Variants in PATJ observed in about 807,000 individuals in gnomAD.
PATJ encodes inaD-like protein.
Under a neutral mutation model 224.9 loss-of-function variants are expected in PATJ, and 190 were observed. The ratio of observed to expected loss-of-function variants is 0.84; its 90% CI spans 0.75 to 0.95. PATJ has a LOEUF of 0.95. Ranked by LOEUF, PATJ falls within the 40% of genes least tolerant of loss-of-function variation. PATJ has a pLI of 0.00. For missense variants in PATJ, 2,121 were observed against 2,270.3 expected (o/e 0.93, Z 1.34); for synonymous variants, 769 against 820.3 (o/e 0.94, Z 1.07).
intron 17 of PATJ, among the ~76,000 whole-genome samples, chr1:61,838,340 C>T (rs1660521166): frequency 1.3e-5 from 2 of 151,526 alleles, no homozygotes; most frequent in South Asian, 4.2e-4. Flanking sequence ...AATATGATGG[C>T]TTGACTGAGT....
chr1:62,120,201 G>A (rs1427086649), intron 37 of PATJ, among the ~76,000 whole-genome samples: 2 of 152,066 alleles, frequency 1.3e-5, no homozygotes, highest in Admixed American at 1.3e-4. Context: ...TAGATAAATG[G>A]CTATGTGATA....
intron 17 of PATJ, among the ~76,000 whole-genome samples, chr1:61,836,797 T>C (rs530181778): frequency 7.9e-5 from 12 of 152,352 alleles, no homozygotes; most frequent in African/African-American, 2.6e-4. Context: ...CTGGCTATTA[T>C]TGCATTCAGC....
intron 41 of PATJ, among the ~76,000 whole-genome samples, chr1:62,147,996 C>T (rs1668226086): frequency 6.6e-6 from 1 of 151,270 alleles, no homozygotes; most frequent in Non-Finnish European, 1.5e-5. Context: ...TGGTGCATGC[C>T]TGTGGTCCCA....
intron 16 of PATJ, among the ~76,000 whole-genome samples, chr1:61,830,347 G>T (rs1184885519): frequency 6.6e-6 from 1 of 152,144 alleles, no homozygotes; most frequent in Non-Finnish European, 1.5e-5. Context: ...AAATACTGCT[G>T]ATAGAAATCA....
intron 34 of PATJ, among the ~76,000 whole-genome samples, chr1:62,110,899 C>T (rs1274377457): frequency 6.6e-6 from 1 of 152,078 alleles, no homozygotes; most frequent in Non-Finnish European, 1.5e-5. Flanking sequence ...CCTCTACAGC[C>T]AATGTTCTAA....
chr1:61,853,925 T>G lies in PATJ; in HGVS notation c.2113-2105T>G, dbSNP rs115163330. Among the ~76,000 whole-genome samples the G allele has an allele frequency of 1.9e-3, 287 of 152,332 alleles. 1 individual carries two copies. Among genetic ancestry groups the G allele is most frequent in the African/African-American group, 6.7e-3 (279 of 41,578 alleles). On this transcript the variant is annotated intron_variant, in intron 17 of 43. Transcript: ENST00000642238. The stretch of plus-strand genomic sequence containing the variant: ...TGTAAGAAAATTTTGAAGAGTCTCT[T>G]GACTCGGGGGTAGAAAGGCAGGGTT...
At position 61,940,641 on chromosome 1, in the gene PATJ, G is replaced by A. The variant is rs182840574; in HGVS notation, c.3670+12812G>A. 1.6e-3 allele frequency among the ~76,000 whole-genome samples: 241 copies of A among 151,590 alleles called. 1 individual carries two copies. Among genetic ancestry groups the A allele is most frequent in the Admixed American group, 0.014 (208 of 15,208 alleles). ...TGAGGCTGGAGGATCACTTGAACCC[G>A]GGAGGTGGAGGTTGCAGTGACCTGA... On this transcript the variant is annotated intron_variant, in intron 27 of 43. Coordinates refer to ENST00000642238, the MANE Select transcript of PATJ (RefSeq NM_001350145.3).
At chr1:61,874,672 T>C (rs567520716) in intron 20 of PATJ, among the ~76,000 whole-genome samples, 12 of 152,288 alleles carry the variant, frequency 7.9e-5, no homozygotes, top group South Asian at 4.1e-4. Context: ...TTCTGGAAGA[T>C]TGTGACTTTG....
chr1:62,156,587 G>T (rs575268499), intron 43 of PATJ, among the ~76,000 whole-genome samples: 260 of 150,796 alleles, frequency 1.7e-3, no homozygotes, highest in Non-Finnish European at 2.7e-3. Flanking sequence ...TAGTCCCAAA[G>T]GATTTATTAT....
chr1:61,864,416 A>T lies in PATJ; in HGVS notation c.2618A>T (p.Asp873Val), dbSNP rs925220920. The T allele has an allele frequency of 6.2e-7, 1 of 1,613,666 alleles. No homozygotes were observed. The highest frequency in any genetic ancestry group is 1.3e-5 in the African/African-American group (1 of 74,924). ...GATGAAGAAAGAGAAATTCTTGTTGATGAAGAATATGAGTTATATCAAGAT... is the reference window on the plus strand; with the variant it reads ...GATGAAGAAAGAGAAATTCTTGTTGTTGAAGAATATGAGTTATATCAAGAT... ...EMDEEREILV[D>V]EEYELYQDPS... Residue 873 changes from aspartate (D) to valine (V), a missense_variant, in exon 20 of 44, where the codon GAT (aspartate) becomes GTT (valine). Physicochemically the swap from Asp to Val is radical, Grantham distance 152. Transcript: ENST00000642238.
At chr1:61,884,633 G>C (rs1668575644) in intron 22 of PATJ, among the ~76,000 whole-genome samples, 1 of 152,102 alleles carries the variant, frequency 6.6e-6, no homozygotes, top group South Asian at 2.1e-4. Context: ...AAATGGATTA[G>C]AGTATCTGCT....
At chr1:62,066,509 A>G (rs1656459560) in intron 31 of PATJ, among the ~76,000 whole-genome samples, 1 of 151,704 alleles carries the variant, frequency 6.6e-6, no homozygotes, top group Non-Finnish European at 1.5e-5. Flanking sequence ...ACAGCTTCCC[A>G]AAGTGTTGAG....
intron 30 of PATJ, chr1:62,038,836 G>A (rs1650934286): frequency 2.8e-6 from 2 of 702,208 alleles, no homozygotes; most frequent in Non-Finnish European, 5.3e-6. Flanking sequence ...GTGGACGGTG[G>A]GTGGGATGGA....
At chr1:62,069,060 C>T (rs1297258489) in intron 31 of PATJ, among the ~76,000 whole-genome samples, 1 of 152,162 alleles carries the variant, frequency 6.6e-6, no homozygotes, top group Non-Finnish European at 1.5e-5. Flanking sequence ...AGGTCACTGC[C>T]GTGGCTACTG....
chr1:61,958,777 G>A (rs1231296884), intron 27 of PATJ, among the ~76,000 whole-genome samples: 1 of 152,176 alleles, frequency 6.6e-6, no homozygotes, highest in Non-Finnish European at 1.5e-5. Flanking sequence ...GTGTGACCAA[G>A]TTGTCAAGTC....
intron 15 of PATJ, among the ~76,000 whole-genome samples, chr1:61,823,767 C>T (rs1450220481): frequency 6.6e-6 from 1 of 151,982 alleles, no homozygotes; most frequent in Non-Finnish European, 1.5e-5. Context: ...TATGTTTGCT[C>T]ATAGTGAAAT....
chr1:62,086,713 C>G lies in PATJ; in HGVS notation c.4377+2065C>G, dbSNP rs1660033530. Among the ~76,000 whole-genome samples the G allele has an allele frequency of 1.3e-5, 2 of 152,096 alleles. 1 individual carries two copies. The highest frequency in any genetic ancestry group is 2.9e-5 in the Non-Finnish European group (2 of 68,000). On this transcript the variant is annotated intron_variant, in intron 33 of 43. Coordinates refer to ENST00000642238, the MANE Select transcript of PATJ (RefSeq NM_001350145.3). This position sits in a 1 kb window ranked among gnomAD's most constrained non-coding sequence, Gnocchi z 4.0. Reference sequence around the variant, plus strand: ...CAAGAACAGCATAGGCGATAGAAACCAGGGTCTTGATGATGCAGGAGTTTT... The same window carrying G: ...CAAGAACAGCATAGGCGATAGAAACGAGGGTCTTGATGATGCAGGAGTTTT...
At chr1:62,082,520 C>G (rs1281960267) in intron 32 of PATJ, among the ~76,000 whole-genome samples, 1 of 152,194 alleles carries the variant, frequency 6.6e-6, no homozygotes, top group Admixed American at 6.5e-5. Context: ...GCAGAACCCC[C>G]ACAGGCTTAC....
intron 29 of PATJ, among the ~76,000 whole-genome samples, chr1:62,021,094 CTG>C (rs1464791776): frequency 3.9e-5 from 6 of 152,054 alleles, no homozygotes; most frequent in Admixed American, 3.9e-4. Context: ...TCCCAAAGTG[CTG>C]GGATCACAGA....
Sources: gnomAD v4.1 joint callset for allele counts (sites outside exome capture counted in the v4.1 genomes callset) on GRCh38, gnomAD v4.1.1 for gene constraint, Gnocchi (gnomAD v3.1) non-coding constraint, MANE v1.5 for transcripts, NCBI Gene and HGNC (gene_info 2026-07-23, HGNC 2026-07-21) for gene names.